CDH12: variants seen among roughly 807,000 people sequenced by gnomAD.
CDH12 encodes the protein cadherin-12.
Under a neutral mutation model 74.1 loss-of-function variants are expected in CDH12, and 41 were observed. That is an observed-to-expected ratio of 0.55 (90% CI 0.43 to 0.72). CDH12 has a LOEUF of 0.72. Ranked by LOEUF, CDH12 falls within the 30% of genes least tolerant of loss-of-function variation. The pLI is 0.00. For synonymous variants in CDH12, 399 were observed against 355.0 expected, an observed-to-expected ratio of 1.12 and a Z score of -1.39; for missense variants, 945 against 977.2, an observed-to-expected ratio of 0.97 and a Z score of 0.44.
intron 3 of CDH12, among the ~76,000 whole-genome samples, chr5:22,253,768 ACTC>A (rs1025011349): frequency 2.0e-4 from 30 of 150,606 alleles, no homozygotes; most frequent in African/African-American, 6.3e-4. Context: ...GCCTCTTCCT[ACTC>A]CTCCTCTTTT....
At chr5:22,461,923 T>C (rs1433312221) in intron 2 of CDH12, among the ~76,000 whole-genome samples, 2 of 152,086 alleles carry the variant, frequency 1.3e-5, no homozygotes, top group Non-Finnish European at 1.5e-5. Context: ...AATTTTTTAA[T>C]GATTGGGAAA....
chr5:21,968,445 C>A (rs1175625083), intron 6 of CDH12, among the ~76,000 whole-genome samples: 1 of 152,096 alleles, frequency 6.6e-6, no homozygotes, highest in Non-Finnish European at 1.5e-5. Context: ...AGTTCAACAT[C>A]CAAGTACTAT....
intron 2 of CDH12, among the ~76,000 whole-genome samples, chr5:22,500,109 C>A (rs2126654373): frequency 6.6e-6 from 1 of 152,140 alleles, no homozygotes; most frequent in Non-Finnish European, 1.5e-5. Flanking sequence ...TAAAAGAATA[C>A]TGGGGAAATT....
chr5:21,967,633 A>T (rs2150115677), intron 6 of CDH12, among the ~76,000 whole-genome samples: 1 of 152,322 alleles, frequency 6.6e-6, no homozygotes, highest in South Asian at 2.1e-4. Context: ...CTATCAGTAC[A>T]GCATGGTTTA....
intron 5 of CDH12, among the ~76,000 whole-genome samples, chr5:22,033,726 GA>G (rs890171346): frequency 1.3e-5 from 2 of 152,176 alleles, no homozygotes; most frequent in African/African-American, 2.4e-5. Context: ...AAAACACTTG[GA>G]AAAAATGAAT....
At chr5:22,400,533 C>T (rs1436376415) in intron 3 of CDH12, among the ~76,000 whole-genome samples, 1 of 151,800 alleles carries the variant, frequency 6.6e-6, no homozygotes, top group Non-Finnish European at 1.5e-5. Context: ...TGTGCTCAAG[C>T]GATCCACCCA....
At chr5:22,352,711 T>G (rs1424769142) in intron 3 of CDH12, among the ~76,000 whole-genome samples, 1 of 152,210 alleles carries the variant, frequency 6.6e-6, no homozygotes, top group Non-Finnish European at 1.5e-5. Context: ...ATAGAAACAC[T>G]GGAGGTGGAG....
At chr5:21,800,136 T>C (rs1747029380) in intron 10 of CDH12, among the ~76,000 whole-genome samples, 1 of 152,140 alleles carries the variant, frequency 6.6e-6, no homozygotes, top group Non-Finnish European at 1.5e-5. Flanking sequence ...AACACATAAT[T>C]TATTTGGTTT....
intron 4 of CDH12, 43 bp from the exon 5 acceptor site, chr5:22,078,905 G>T: frequency 9.3e-7 from 1 of 1,076,326 alleles, no homozygotes. Flanking sequence ...TAATGAAATT[G>T]CATGATGATA....
intron 6 of CDH12, among the ~76,000 whole-genome samples, chr5:21,898,247 G>T (rs902573560): frequency 2.0e-5 from 3 of 151,710 alleles, no homozygotes; most frequent in Admixed American, 6.6e-5. Flanking sequence ...TAGAGACAGG[G>T]TCTCACTCTG....
At chr5:22,567,665 G>A (rs576311239) in intron 1 of CDH12, among the ~76,000 whole-genome samples, 2 of 152,228 alleles carry the variant, frequency 1.3e-5, no homozygotes, top group East Asian at 3.9e-4. Context: ...GTAAAACAAA[G>A]CTTTATATTT....
intron 3 of CDH12, among the ~76,000 whole-genome samples, chr5:22,302,824 A>G (rs1737947739): frequency 6.6e-6 from 1 of 152,134 alleles, no homozygotes; most frequent in Admixed American, 6.5e-5. Flanking sequence ...CATGAATGTT[A>G]AGTGCACTAG....
intron 4 of CDH12, among the ~76,000 whole-genome samples, chr5:22,197,695 C>G (rs1750701795): frequency 6.6e-6 from 1 of 152,030 alleles, no homozygotes; most frequent in Non-Finnish European, 1.5e-5. Context: ...GTTATTATCA[C>G]TTGTTCCTAA....
At chr5:21,978,432 T>C (rs982575438) in intron 5 of CDH12, among the ~76,000 whole-genome samples, 5 of 152,206 alleles carry the variant, frequency 3.3e-5, no homozygotes, top group African/African-American at 1.2e-4. Context: ...CATGAGCCAC[T>C]GCGCCCTGCC....
intron 6 of CDH12, among the ~76,000 whole-genome samples, chr5:21,937,563 A>G (rs1242880587): frequency 6.6e-6 from 1 of 152,220 alleles, no homozygotes; most frequent in Non-Finnish European, 1.5e-5. Context: ...CACAAAAATG[A>G]TGTCTAAAAT....
intron 6 of CDH12, among the ~76,000 whole-genome samples, chr5:21,918,570 C>T (rs1327890899): frequency 6.6e-6 from 1 of 151,924 alleles, no homozygotes; most frequent in African/African-American, 2.4e-5. Flanking sequence ...TCACAAGGTG[C>T]CAGGAAGGAG....
At chr5:22,640,678 A>G (rs909097118) in intron 1 of CDH12, among the ~76,000 whole-genome samples, 1 of 152,154 alleles carries the variant, frequency 6.6e-6, no homozygotes, top group Admixed American at 6.5e-5. Flanking sequence ...ACCAACCTGA[A>G]AAAATATCAT....
intron 3 of CDH12, among the ~76,000 whole-genome samples, chr5:22,238,919 TTTC>T (rs1752651860): frequency 6.6e-6 from 1 of 152,190 alleles, no homozygotes; most frequent in Non-Finnish European, 1.5e-5. Context: ...TCTGAATACA[TTTC>T]TTCTCAGTAT....
intron 5 of CDH12, among the ~76,000 whole-genome samples, chr5:22,056,604 C>A (rs1315128499): frequency 2.6e-5 from 4 of 152,136 alleles, no homozygotes; most frequent in Admixed American, 2.6e-4. Flanking sequence ...ATGAAACGTG[C>A]AGTCTGGTAA....
Sources: allele counts gnomAD v4.1 joint callset (sites outside exome capture counted in the v4.1 genomes callset), GRCh38; gene constraint gnomAD v4.1.1; transcripts MANE v1.5; gene names NCBI Gene and HGNC (gene_info 2026-07-23, HGNC 2026-07-21).